Variants in KCNIP4 observed in about 807,000 individuals in gnomAD.
KCNIP4 encodes the protein potassium voltage-gated channel interacting protein 4, also known as Kv channel-interacting protein 4.
Under a neutral mutation model 34.0 loss-of-function variants are expected in KCNIP4, and 12 were observed. The observed-to-expected ratio is 0.35, with a 90% CI of 0.23 to 0.57. The LOEUF is 0.57. KCNIP4 is among the 20% of genes least tolerant of loss of function. The probability of loss-of-function intolerance (pLI) is 0.83; values close to 1 mark genes in which losing one functional copy is unlikely to be tolerated. For missense variants in KCNIP4, 238 were observed against 311.7 expected (o/e 0.76, Z 1.78); for synonymous variants, 124 against 102.2 (o/e 1.21, Z -1.29).
chr4:21,066,355 C>A (rs1324212128), intron 1 of KCNIP4, among the ~76,000 whole-genome samples: 1 of 152,068 alleles, frequency 6.6e-6, no homozygotes, highest in East Asian at 1.9e-4. Flanking sequence ...GCAGGAACAC[C>A]ACATTGACCA....
chr4:21,768,856 C>A (rs1052155585), intron 1 of KCNIP4, among the ~76,000 whole-genome samples: 1 of 152,024 alleles, frequency 6.6e-6, no homozygotes, highest in African/African-American at 2.4e-5. Context: ...CATCTAAAAT[C>A]AAATGTGATG....
At chr4:21,704,994 G>T (rs563158162) in intron 1 of KCNIP4, among the ~76,000 whole-genome samples, 3 of 152,262 alleles carry the variant, frequency 2.0e-5, no homozygotes, top group African/African-American at 7.2e-5. Flanking sequence ...AATGGTTAAT[G>T]AAATTGTATA....
intron 1 of KCNIP4, among the ~76,000 whole-genome samples, chr4:21,758,537 A>C (rs1310902408): frequency 1.3e-5 from 2 of 152,218 alleles, no homozygotes; most frequent in African/African-American, 4.8e-5. Context: ...CCCATGTAAT[A>C]AATGGGATTC....
intron 1 of KCNIP4, among the ~76,000 whole-genome samples, chr4:21,363,980 G>A (rs190102223): frequency 7.9e-4 from 121 of 152,222 alleles, no homozygotes; most frequent in Non-Finnish European, 1.4e-3. Flanking sequence ...GAGTGTTTGG[G>A]TTTTGGTGGC....
chr4:20,931,618 T>C (rs1452177991), intron 1 of KCNIP4, among the ~76,000 whole-genome samples: 10 of 152,142 alleles, frequency 6.6e-5, no homozygotes, highest in Admixed American at 5.9e-4. Flanking sequence ...AAAAATGTGG[T>C]ATTATAATCT....
chr4:21,720,011 A>AG (rs1206862513), intron 1 of KCNIP4, among the ~76,000 whole-genome samples: 6 of 115,594 alleles, frequency 5.2e-5, no homozygotes, highest in African/African-American at 3.4e-4. Context: ...AAAAAGAAGA[A>AG]GAAGAAGGAG....
At chr4:21,205,564 A>T (rs1756793159) in intron 1 of KCNIP4, among the ~76,000 whole-genome samples, 1 of 152,208 alleles carries the variant, frequency 6.6e-6, no homozygotes, top group African/African-American at 2.4e-5. Flanking sequence ...TGTAGCTTGT[A>T]TGTGTTGGGT....
intron 1 of KCNIP4, among the ~76,000 whole-genome samples, chr4:21,739,913 T>G (rs1158733186): frequency 6.6e-6 from 1 of 152,090 alleles, no homozygotes; most frequent in African/African-American, 2.4e-5. Context: ...AAATATGGTA[T>G]CTACAAGGAA....
chr4:21,502,451 C>A (rs1400473260), intron 1 of KCNIP4, among the ~76,000 whole-genome samples: 1 of 152,082 alleles, frequency 6.6e-6, no homozygotes, highest in Non-Finnish European at 1.5e-5. Flanking sequence ...TTTGCCATTG[C>A]CAATCATTTT....
intron 1 of KCNIP4, among the ~76,000 whole-genome samples, chr4:20,898,939 T>C (rs192318886): frequency 8.6e-4 from 131 of 152,318 alleles, no homozygotes; most frequent in African/African-American, 3.0e-3. Flanking sequence ...ATTTTAAACT[T>C]GACCCAAATA....
intron 3 of KCNIP4, among the ~76,000 whole-genome samples, chr4:20,805,062 A>T (rs2149424371): frequency 6.6e-6 from 1 of 152,080 alleles, no homozygotes; most frequent in South Asian, 2.1e-4. Flanking sequence ...GCTGACAAGT[A>T]GGTAGTGGTA....
intron 1 of KCNIP4, among the ~76,000 whole-genome samples, chr4:21,445,546 G>A (rs528512661): frequency 6.6e-6 from 1 of 152,304 alleles, no homozygotes; most frequent in East Asian, 1.9e-4. Context: ...TTTAACAAAT[G>A]GTGCTGGGAA....
At chr4:21,717,072 G>T (rs1278547917) in intron 1 of KCNIP4, among the ~76,000 whole-genome samples, 1 of 152,082 alleles carries the variant, frequency 6.6e-6, no homozygotes, top group Non-Finnish European at 1.5e-5. Flanking sequence ...ACTCATTATT[G>T]TCATAGTGTT....
In KCNIP4 at chr4:21,116,142, C is replaced by G. The variant is rs545220133; in HGVS notation, c.62-233433G>C. On this transcript the variant is annotated intron_variant, in intron 1 of 8. Transcript: ENST00000382152. ...CTGCTTACACAGGCTTCGTCAAAGT[C>G]TATCTATTTATAAATAGCAAGTAAG... Among the ~76,000 whole-genome samples, 19 of 152,314 alleles carry G rather than the reference C, an allele frequency of 1.2e-4. 1 individual carries two copies. The South Asian group carries it at 3.9e-3, about 32-fold the overall frequency.
In KCNIP4 at chr4:20,729,119, G is replaced by A. The variant is rs1430562577; in HGVS notation, c.*963C>T. 1.3e-5 allele frequency: 2 copies of A among 151,724 alleles called. No individual in the cohort carries two copies. The highest frequency in any genetic ancestry group is 6.6e-5 in the Admixed American group (1 of 15,246). 9.4% of individuals were successfully genotyped at this position (151,724 alleles called of 1,614,324 possible). ...TGGGGTAGTCAAGGTTTCTTTCTTT[G>A]TCCCTGAATGGCTTGTAATATAAAT... is the stretch of plus-strand genomic sequence containing the variant. On this transcript the variant is annotated 3_prime_UTR_variant, in exon 9 of 9. Coordinates refer to ENST00000382152, the MANE Select transcript of KCNIP4 (RefSeq NM_025221.6).
intron 6 of KCNIP4, among the ~76,000 whole-genome samples, chr4:20,733,521 A>T (rs150589862): frequency 6.6e-6 from 1 of 151,498 alleles, no homozygotes; most frequent in South Asian, 2.3e-4. Context: ...AGAGTATTCA[A>T]TTATAAATGA....
At chr4:21,028,176 C>G (rs903209825) in intron 1 of KCNIP4, among the ~76,000 whole-genome samples, 9 of 152,134 alleles carry the variant, frequency 5.9e-5, no homozygotes, top group Non-Finnish European at 1.0e-4. Flanking sequence ...CCCTCCCCCC[C>G]AATTGTCACT....
chr4:21,867,983 C>A (rs1459822666), intron 1 of KCNIP4, among the ~76,000 whole-genome samples: 4 of 152,206 alleles, frequency 2.6e-5, no homozygotes, highest in Admixed American at 1.3e-4. Flanking sequence ...TAAAATCATC[C>A]TTCACTGTAA....
intron 1 of KCNIP4, among the ~76,000 whole-genome samples, chr4:21,745,633 T>C (rs1047687515): frequency 5.3e-5 from 8 of 152,060 alleles, no homozygotes; most frequent in South Asian, 2.1e-4. Context: ...AAAATTAAAC[T>C]GACAATGTAT....
Sources: allele counts gnomAD v4.1 joint callset (sites outside exome capture counted in the v4.1 genomes callset), GRCh38; gene constraint gnomAD v4.1.1; transcripts MANE v1.5; gene names NCBI Gene and HGNC (gene_info 2026-07-23, HGNC 2026-07-21).